USP26: variants seen among roughly 807,000 people sequenced by gnomAD.
USP26 encodes the protein ubiquitin carboxyl-terminal hydrolase 26.
For synonymous variants in USP26, 236 were observed against 240.6 expected (o/e 0.98, Z 0.18); for missense variants, 649 against 642.3 (o/e 1.01, Z -0.11).
At chrX:133,060,337 A>G (rs1002995714) in intron 5 of USP26, among the ~76,000 whole-genome samples, 7 of 111,950 alleles carry the variant, frequency 6.3e-5, no homozygotes, top group African/African-American at 2.3e-4. Context: ...AGACAAAAAT[A>G]AAAAGAAACC....
intron 5 of USP26, among the ~76,000 whole-genome samples, chrX:133,041,548 C>T (rs2067419154): frequency 8.9e-6 from 1 of 112,037 alleles, no homozygotes; most frequent in Non-Finnish European, 1.9e-5. Flanking sequence ...AAGATTGCTG[C>T]CTGCTCCTTC....
chrX:133,073,514 A>G (rs1221376473), intron 5 of USP26, among the ~76,000 whole-genome samples: 2 of 110,916 alleles, frequency 1.8e-5, no homozygotes, highest in Non-Finnish European at 3.8e-5. Context: ...ATCCAGGTCC[A>G]GACCTCAAAG....
intron 5 of USP26, among the ~76,000 whole-genome samples, chrX:133,051,559 T>G (rs1411024597): frequency 9.0e-6 from 1 of 111,667 alleles, no homozygotes; most frequent in Non-Finnish European, 1.9e-5. Flanking sequence ...AGACTAAAAG[T>G]TGAGAAGAAA....
chrX:133,030,587 G>A (rs765210621), intron 5 of USP26, among the ~76,000 whole-genome samples: 62 of 111,933 alleles, frequency 5.5e-4, no homozygotes, highest in African/African-American at 1.9e-3. Flanking sequence ...CACAATAAAA[G>A]AGGGGACTCC....
intron 5 of USP26, among the ~76,000 whole-genome samples, chrX:133,053,555 GA>G (rs920318670): frequency 1.0e-4 from 11 of 106,191 alleles, no homozygotes; most frequent in South Asian, 4.1e-4. Context: ...AAAAAAAAAG[GA>G]AAAAAAAAGT....
chrX:133,084,062 G>A (rs2067579406), intron 4 of USP26, among the ~76,000 whole-genome samples: 1 of 111,873 alleles, frequency 8.9e-6, no homozygotes, highest in African/African-American at 3.2e-5. Flanking sequence ...AGGCTCTCCT[G>A]AAGTACTTGT....
rs1324874683 is a variant in USP26 at position 133,024,887 on chromosome X, C to T, written c.*592G>A. On this transcript the variant is annotated 3_prime_UTR_variant, in exon 6 of 6. Coordinates refer to ENST00000511190, the MANE Select transcript of USP26 (RefSeq NM_031907.3). ...AAGATTTTGCATTTCAAATGACTAC[C>T]CCCATGCTCCTGGTGCTGCTAGTTT... 2 of 112,265 alleles carry T rather than the reference C, an allele frequency of 1.8e-5. No individual in the cohort carries two copies. Among genetic ancestry groups the T allele is most frequent in the African/African-American group, 3.3e-5 (1 of 30,193 alleles). 9.3% of individuals were successfully genotyped at this position (112,265 alleles called of 1,213,427 possible). A position where few individuals can be genotyped will look rare whatever the true frequency, so the allele number is the denominator to read the frequency against.
chrX:133,060,988 G>A (rs1003909048), intron 5 of USP26, among the ~76,000 whole-genome samples: 4 of 111,845 alleles, frequency 3.6e-5, no homozygotes, highest in African/African-American at 1.3e-4. Context: ...GAGGACATAG[G>A]TAGATTATAT....
intron 5 of USP26, among the ~76,000 whole-genome samples, chrX:133,047,588 A>G (rs1035356925): frequency 5.3e-5 from 6 of 112,206 alleles, no homozygotes; most frequent in African/African-American, 1.9e-4. Context: ...AGAATGTGCA[A>G]TGGACTGAAC....
At chrX:133,080,205 A>G (rs2067565132) in intron 5 of USP26, among the ~76,000 whole-genome samples, 1 of 111,461 alleles carries the variant, frequency 9.0e-6, no homozygotes, top group African/African-American at 3.3e-5. Context: ...CACTATAGTT[A>G]GGCCTCACAA....
chrX:133,040,137 C>A (rs927468680), intron 5 of USP26, among the ~76,000 whole-genome samples: 4 of 111,762 alleles, frequency 3.6e-5, no homozygotes, highest in Middle Eastern at 4.6e-3. Flanking sequence ...GATCTTGACT[C>A]TTTATACAAT....
In USP26 at chrX:133,027,798, G is replaced by A; in HGVS notation, c.423C>T (p.Ser141=). ...TTCCTTTTGCTATCTCAAAAGATTT[G>A]CTACTTGATTTCTCATCAACTTTGT... ...SFHKVDEKSS[S]KSFEIAKGSG... The change falls in exon 6 of 6, where the codon AGC becomes AGT. Residue 141 remains serine, a synonymous_variant. Coordinates refer to ENST00000511190, the MANE Select transcript of USP26 (RefSeq NM_031907.3). The A allele has an allele frequency of 8.3e-7, 1 of 1,209,494 alleles. No homozygotes were observed. The highest frequency in any genetic ancestry group is 1.1e-6 in the Non-Finnish European group (1 of 894,222).
At chrX:133,051,212 A>T (rs2067457865) in intron 5 of USP26, among the ~76,000 whole-genome samples, 1 of 111,540 alleles carries the variant, frequency 9.0e-6, no homozygotes, top group Admixed American at 9.6e-5. Flanking sequence ...AAAGACAGAC[A>T]CGTTTAGAAG....
chrX:133,062,290 G>A (rs996054383), intron 5 of USP26, among the ~76,000 whole-genome samples: 2 of 111,874 alleles, frequency 1.8e-5, no homozygotes, highest in African/African-American at 6.5e-5. Context: ...CAGAGCACCT[G>A]GGGGAAGGGG....
Position 133,027,942 on chromosome X carries a change from T to C in USP26, c.279A>G (p.Gln93=), listed in dbSNP as rs754072969. 5 of 1,211,191 alleles carry C rather than the reference T, an allele frequency of 4.1e-6. No homozygotes were observed. The East Asian group carries it at 8.9e-5, about 21-fold the overall frequency. ...IEGLSSTDAE[Q]LKIFLDRVHQ... is the part of the protein sequence containing the mutation. ...GAACTCTGTCCAAGAATATCTTCAATTGTTCAGCATCTGTGGAGGATAATC... is the reference window on the plus strand; with the variant it reads ...GAACTCTGTCCAAGAATATCTTCAACTGTTCAGCATCTGTGGAGGATAATC... Residue 93 remains glutamine (Q), a synonymous_variant, in exon 6 of 6, where the codon CAA becomes CAG. Coordinates refer to ENST00000511190, the MANE Select transcript of USP26 (RefSeq NM_031907.3).
chrX:133,096,923 GAAAAGA>G (rs2067633059), intron 1 of USP26, 101 bp downstream of exon 1: 1 of 111,987 alleles, frequency 8.9e-6, no homozygotes, highest in Admixed American at 9.5e-5. Context: ...AAAACGAAAA[GAAAAGA>G]AAAAGTATAC....
intron 5 of USP26, 82 bp from the exon 6 acceptor site, chrX:133,028,378 G>A: frequency 1.6e-6 from 1 of 623,583 alleles, no homozygotes; most frequent in Non-Finnish European, 2.5e-6. Context: ...TTATACTAGA[G>A]TCTAGTTCAG....
At chrX:133,056,944 A>G (rs2067477498) in intron 5 of USP26, among the ~76,000 whole-genome samples, 1 of 111,927 alleles carries the variant, frequency 8.9e-6, no homozygotes, top group African/African-American at 3.2e-5. Context: ...CCTTGCAGCC[A>G]TAGCATGCTA....
chrX:133,048,548 AT>A (rs1323116294), intron 5 of USP26, among the ~76,000 whole-genome samples: 271 of 87,195 alleles, frequency 3.1e-3, no homozygotes, highest in African/African-American at 4.3e-3. Flanking sequence ...GAACAGTTGC[AT>A]TTTTTTTTTT....
Sources: gnomAD v4.1 joint callset for allele counts (sites outside exome capture counted in the v4.1 genomes callset) on GRCh38, gnomAD v4.1.1 for gene constraint, MANE v1.5 for transcripts, NCBI Gene and HGNC (gene_info 2026-07-23, HGNC 2026-07-21) for gene names.